Variants in ZEB1 observed in about 807,000 individuals in gnomAD.
ZEB1 encodes the protein zinc finger E-box-binding homeobox 1.
A neutral mutation model predicts 84.9 loss-of-function variants in ZEB1; 21 were observed. The observed-to-expected ratio is 0.25, with a 90% confidence interval of 0.18 to 0.36. ZEB1 has a LOEUF of 0.36. ZEB1 is among the 10% of genes least tolerant of loss of function. The pLI, the probability that ZEB1 is intolerant of heterozygous loss-of-function variation, is 1.00. For missense variants in ZEB1, 1,104 were observed against 1,330.2 expected, an observed-to-expected ratio of 0.83 and a Z score of 2.65; for synonymous variants, 420 against 471.1, an observed-to-expected ratio of 0.89 and a Z score of 1.41.
chr10:31,518,155 T>C (rs1380929345), intron 6 of ZEB1, among the ~76,000 whole-genome samples: 1 of 152,188 alleles, frequency 6.6e-6, no homozygotes, highest in Non-Finnish European at 1.5e-5. Context: ...CTAGAGTATA[T>C]TCCTTGTTTT....
intron 1 of ZEB1, among the ~76,000 whole-genome samples, chr10:31,341,891 G>GA (rs2039438903): frequency 6.6e-6 from 1 of 152,188 alleles, no homozygotes; most frequent in Admixed American, 6.5e-5. Context: ...CCTTAAATTG[G>GA]TGGGGGAGAT....
rs543433750 is a variant in ZEB1 at position 31,469,317 on chromosome 10, G to A, written c.259+8080G>A. Among the ~76,000 whole-genome samples, 638 of 152,316 alleles carry A rather than the reference G, an allele frequency of 4.2e-3. 6 individuals are homozygous for A. Among genetic ancestry groups the A allele is most frequent in the Middle Eastern group, 0.014 (4 of 294 alleles). ...CTGAGGTACCGGGTTCATCTCACTA[G>A]GGAGTGCCAGACAGTGGGCACAGGT... On this transcript the variant is annotated intron_variant, in intron 2 of 8. Transcript: ENST00000424869.
In ZEB1 at chr10:31,361,955, C is replaced by T. The variant is rs11813695; in HGVS notation, c.58+42663C>T. ...GCAGAGGCACTCCTCGCTTCGCAGA[C>T]GGGACGGCGGCAGGGCAGAGGCGCT... On this transcript the variant is annotated intron_variant, in intron 1 of 8. Coordinates refer to ENST00000424869, the MANE Select transcript of ZEB1 (RefSeq NM_001174096.2). Among the ~76,000 whole-genome samples the T allele has an allele frequency of 7.7e-3, 1,116 of 144,508 alleles. 11 individuals carry two copies. Among genetic ancestry groups the T allele is most frequent in the African/African-American group, 0.028 (1,059 of 38,380 alleles). The allele number at this position is 144,508 out of a possible 152,430, so 94.8% of individuals were successfully genotyped here. A position where few individuals can be genotyped will look rare whatever the true frequency, so the allele number is the denominator to read the frequency against.
chr10:31,508,090 C>G (rs1234724247), intron 4 of ZEB1, among the ~76,000 whole-genome samples: 1 of 152,090 alleles, frequency 6.6e-6, no homozygotes, highest in Admixed American at 6.5e-5. Context: ...TCCTCGTTGG[C>G]TTAGGTGCAA....
At chr10:31,452,742 T>TGTGTGTGTGAGAGAGAGAGA (rs1387786622) in intron 1 of ZEB1, among the ~76,000 whole-genome samples, 3 of 90,810 alleles carry the variant, frequency 3.3e-5, no homozygotes, top group African/African-American at 1.5e-4. Context: ...TGTGTGTGTG[T>TGTGTGTGTGAGAGAGAGAGA]GAGAGAGAGA....
intron 1 of ZEB1, among the ~76,000 whole-genome samples, chr10:31,350,357 A>G (rs2041106488): frequency 6.6e-6 from 1 of 152,132 alleles, no homozygotes; most frequent in Non-Finnish European, 1.5e-5. Context: ...GGACCTGATT[A>G]TTTCTCTTTT....
At chr10:31,335,626 G>A (rs892424827) in intron 1 of ZEB1, among the ~76,000 whole-genome samples, 1 of 152,140 alleles carries the variant, frequency 6.6e-6, no homozygotes, top group Non-Finnish European at 1.5e-5. Flanking sequence ...ACCTGATAAA[G>A]GCATTTTTTT....
chr10:31,354,548 T>C (rs2041824634), intron 1 of ZEB1, among the ~76,000 whole-genome samples: 1 of 152,214 alleles, frequency 6.6e-6, no homozygotes, highest in African/African-American at 2.4e-5. Flanking sequence ...CTCTTCCTGA[T>C]CTTTAACACT....
chr10:31,460,942 A>C (rs1343829935), intron 1 of ZEB1, 95 bp from the exon 2 acceptor site: 4 of 972,714 alleles, frequency 4.1e-6, no homozygotes, highest in African/African-American at 1.6e-5. Flanking sequence ...ATTGAATTAC[A>C]ATCTGTTTTA....
intron 1 of ZEB1, among the ~76,000 whole-genome samples, chr10:31,452,728 TGTGTGTGTGTGTGTGAGAGAGAGAGA>T (rs2060723525): frequency 8.1e-6 from 1 of 123,760 alleles, no homozygotes; most frequent in African/African-American, 3.9e-5. Flanking sequence ...TGTGTGTGTG[TGTGTGTGTGTGTGTGAGAGAGAGAGA>T]GAGAGAGAGA....
At chr10:31,466,277 A>T (rs1208022908) in intron 2 of ZEB1, among the ~76,000 whole-genome samples, 1 of 152,264 alleles carries the variant, frequency 6.6e-6, no homozygotes, top group African/African-American at 2.4e-5. Context: ...GACCTGATAT[A>T]CAGAACATTC....
At chr10:31,331,819 C>CG (rs2036863016) in intron 1 of ZEB1, among the ~76,000 whole-genome samples, 1 of 151,922 alleles carries the variant, frequency 6.6e-6, no homozygotes, top group Admixed American at 6.6e-5. Flanking sequence ...GTAGGGTGAG[C>CG]GGAAGAATGG....
chr10:31,325,833 A>G (rs1186347036), intron 1 of ZEB1, among the ~76,000 whole-genome samples: 3 of 151,966 alleles, frequency 2.0e-5, no homozygotes, highest in African/African-American at 4.8e-5. Context: ...ATTATCTTTT[A>G]ATAAAATATG....
At chr10:31,477,743 A>G (rs1406109698) in intron 2 of ZEB1, among the ~76,000 whole-genome samples, 3 of 152,058 alleles carry the variant, frequency 2.0e-5, no homozygotes, top group Non-Finnish European at 2.9e-5. Context: ...AGCAGATTCA[A>G]CAAAAATAAA....
At chr10:31,464,204 A>G (rs1000280277) in intron 2 of ZEB1, among the ~76,000 whole-genome samples, 2 of 152,052 alleles carry the variant, frequency 1.3e-5, no homozygotes, top group African/African-American at 2.4e-5. Flanking sequence ...AGAGACACAT[A>G]GAAAAAATAT....
intron 2 of ZEB1, among the ~76,000 whole-genome samples, chr10:31,486,691 T>G (rs1326935337): frequency 3.3e-5 from 5 of 151,594 alleles, no homozygotes; most frequent in African/African-American, 1.2e-4. Context: ...TTATTAAATT[T>G]TGAGAGTTCT....
At chr10:31,355,118 G>C (rs540143654) in intron 1 of ZEB1, 2 of 152,164 alleles carry the variant, frequency 1.3e-5, no homozygotes, top group Non-Finnish European at 2.9e-5. Context: ...AGTTGAGAAA[G>C]TAAATTATTC....
chr10:31,379,705 G>C (rs534615542), intron 1 of ZEB1, among the ~76,000 whole-genome samples: 1 of 132,276 alleles, frequency 7.6e-6, no homozygotes, highest in Non-Finnish European at 1.5e-5. Flanking sequence ...TGTTCCAAAG[G>C]CTTGAATTAA....
intron 2 of ZEB1, among the ~76,000 whole-genome samples, chr10:31,485,887 A>G (rs7070634): frequency 0.078 from 11,850 of 151,896 alleles, 656 homozygotes; most frequent in African/African-American, 0.16. Context: ...GTTTTTAGTC[A>G]CATTTTCATT....
Sources: gnomAD v4.1 joint callset for allele counts (sites outside exome capture counted in the v4.1 genomes callset) on GRCh38, gnomAD v4.1.1 for gene constraint, MANE v1.5 for transcripts, NCBI Gene and HGNC (gene_info 2026-07-23, HGNC 2026-07-21) for gene names.